MED13L: variants seen among roughly 807,000 people sequenced by gnomAD.
MED13L encodes mediator complex subunit 13L.
A neutral mutation model predicts 220.9 loss-of-function variants in MED13L; 7 were observed. The observed-to-expected ratio is 0.03, with a 90% CI of 0.02 to 0.06. MED13L has a LOEUF of 0.06. Among genes scored for constraint, MED13L ranks in the 10% least tolerant of loss-of-function variants. The pLI, the probability that MED13L is intolerant of heterozygous loss-of-function variation, is 1.00. For synonymous variants in MED13L, 1,011 were observed against 1,015.2 expected, an observed-to-expected ratio of 1.00 and a Z score of 0.08; for missense variants, 1,965 against 2,760.5, an observed-to-expected ratio of 0.71 and a Z score of 6.46.
intron 1 of MED13L, among the ~76,000 whole-genome samples, chr12:116,241,502 C>G (rs1243504877): frequency 6.6e-6 from 1 of 152,174 alleles, no homozygotes; most frequent in Admixed American, 6.5e-5. Context: ...ACAACACTTT[C>G]ACCTGTAATA....
intron 2 of MED13L, chr12:116,231,988 C>A: frequency 3.0e-6 from 2 of 674,158 alleles, no homozygotes; most frequent in Non-Finnish European, 3.7e-6. Context: ...CCAGCCTTCC[C>A]ACACTCCTAC....
intron 2 of MED13L, among the ~76,000 whole-genome samples, chr12:116,156,034 G>A (rs1384423023): frequency 6.6e-6 from 1 of 151,800 alleles, no homozygotes; most frequent in East Asian, 1.9e-4. Flanking sequence ...TTACTTTCAC[G>A]TTTCTATAGA....
chr12:116,153,361 A>G (rs1273269747), intron 2 of MED13L, among the ~76,000 whole-genome samples: 1 of 152,186 alleles, frequency 6.6e-6, no homozygotes, highest in African/African-American at 2.4e-5. Context: ...GAAGGAAGCC[A>G]GAGTGCCACC....
At chr12:116,011,708 T>C (rs1484988750) in intron 9 of MED13L, among the ~76,000 whole-genome samples, 3 of 152,300 alleles carry the variant, frequency 2.0e-5, no homozygotes, top group African/African-American at 7.2e-5. Context: ...AGGGAACCCT[T>C]AATGAGCAAG....
intron 2 of MED13L, among the ~76,000 whole-genome samples, chr12:116,182,995 T>C (rs749538214): frequency 6.6e-6 from 1 of 152,036 alleles, no homozygotes; most frequent in Non-Finnish European, 1.5e-5. Flanking sequence ...CAGTGAATGT[T>C]AATCAAAAGA....
chr12:116,131,570 G>T (rs1023388881), intron 2 of MED13L, among the ~76,000 whole-genome samples: 1 of 152,188 alleles, frequency 6.6e-6, no homozygotes, highest in African/African-American at 2.4e-5. Context: ...ATCTTTAACA[G>T]ACGTTACGAT....
At chr12:116,017,238 C>T (rs557156808) in intron 7 of MED13L, among the ~76,000 whole-genome samples, 1 of 152,086 alleles carries the variant, frequency 6.6e-6, no homozygotes, top group African/African-American at 2.4e-5. Context: ...ACTGAAATCC[C>T]CCATCAAAAA....
intron 4 of MED13L, among the ~76,000 whole-genome samples, chr12:116,061,869 A>G (rs1008846333): frequency 3.3e-5 from 5 of 151,818 alleles, no homozygotes; most frequent in African/African-American, 1.2e-4. Context: ...TTAGCCAGGC[A>G]TGGTGGCGGG....
chr12:116,245,702 A>C (rs1311287926), intron 1 of MED13L, among the ~76,000 whole-genome samples: 1 of 151,992 alleles, frequency 6.6e-6, no homozygotes, highest in Non-Finnish European at 1.5e-5. Flanking sequence ...AAATGTTTAG[A>C]AGATAAAGTT....
intron 8 of MED13L, among the ~76,000 whole-genome samples, chr12:116,014,179 T>C (rs1015542752): frequency 1.3e-5 from 2 of 152,234 alleles, no homozygotes; most frequent in African/African-American, 4.8e-5. Flanking sequence ...ATATTTAGTA[T>C]GAAATTGCTA....
chr12:116,024,589 C>T (rs1271056942), intron 4 of MED13L, among the ~76,000 whole-genome samples: 1 of 152,068 alleles, frequency 6.6e-6, no homozygotes, highest in Non-Finnish European at 1.5e-5. Context: ...CCCTTTCACT[C>T]TGTTGGTCAG....
chr12:115,971,029 C>T (rs1380047153), intron 26 of MED13L, among the ~76,000 whole-genome samples: 16 of 152,186 alleles, frequency 1.1e-4, no homozygotes, highest in Admixed American at 1.0e-3. Flanking sequence ...TAATTACTTA[C>T]GTAAGAAGTA....
intron 4 of MED13L, among the ~76,000 whole-genome samples, chr12:116,028,071 C>T (rs1880510288): frequency 6.6e-6 from 1 of 152,308 alleles, no homozygotes; most frequent in East Asian, 1.9e-4. Flanking sequence ...TGCCCAATAA[C>T]ACTTCTAAAT....
chr12:116,016,574 A>C (rs1879738715), intron 7 of MED13L, among the ~76,000 whole-genome samples: 1 of 152,214 alleles, frequency 6.6e-6, no homozygotes, highest in Non-Finnish European at 1.5e-5. Context: ...ATAGCTAAAG[A>C]GATCATATGC....
intron 1 of MED13L, among the ~76,000 whole-genome samples, chr12:116,239,730 G>C (rs1413556707): frequency 6.6e-6 from 1 of 152,154 alleles, no homozygotes; most frequent in African/African-American, 2.4e-5. Context: ...CTCATGATGA[G>C]TGCTACCACG....
chr12:116,147,692 CTG>C (rs1468076611), intron 2 of MED13L, among the ~76,000 whole-genome samples: 2 of 152,096 alleles, frequency 1.3e-5, no homozygotes, highest in African/African-American at 4.8e-5. Context: ...ATATACCAAA[CTG>C]TAATTTTTCT....
intron 23 of MED13L, among the ~76,000 whole-genome samples, chr12:115,977,560 C>T (rs1012290873): frequency 4.6e-5 from 7 of 152,186 alleles, no homozygotes; most frequent in African/African-American, 1.4e-4. Flanking sequence ...AAATGTCCAT[C>T]AACTAATGAA....
chr12:116,196,649 G>A (rs1450797466), intron 2 of MED13L, among the ~76,000 whole-genome samples: 2 of 152,136 alleles, frequency 1.3e-5, no homozygotes, highest in African/African-American at 4.8e-5. Flanking sequence ...TCAATCAGAA[G>A]TATCTTTTAA....
intron 4 of MED13L, among the ~76,000 whole-genome samples, chr12:116,053,305 A>C (rs774200629): frequency 2.6e-5 from 4 of 152,230 alleles, no homozygotes; most frequent in Non-Finnish European, 4.4e-5. Context: ...AAATATGACC[A>C]TAAATAAGTA....
Sources: allele counts gnomAD v4.1 joint callset (sites outside exome capture counted in the v4.1 genomes callset), GRCh38; gene constraint gnomAD v4.1.1; transcripts MANE v1.5; gene names NCBI Gene and HGNC (gene_info 2026-07-23, HGNC 2026-07-21).